The following PRKACB variants were observed in gnomAD, a reference collection of about 807,000 sequenced individuals.
PRKACB encodes protein kinase cAMP-activated catalytic subunit beta.
Under a neutral mutation model 51.4 loss-of-function variants are expected in PRKACB, and 16 were observed. That is an observed-to-expected ratio of 0.31 (90% CI 0.21 to 0.47). The LOEUF is 0.47. Among genes scored for constraint, PRKACB ranks in the 20% least tolerant of loss-of-function variants. The pLI, the probability that PRKACB is intolerant of heterozygous loss-of-function variation, is 1.00. For synonymous variants in PRKACB, 147 were observed against 154.4 expected, an observed-to-expected ratio of 0.95 and a Z score of 0.35; for missense variants, 309 against 464.5, an observed-to-expected ratio of 0.67 and a Z score of 3.08.
chr1:84,176,000 G>A (rs1423072971), intron 1 of PRKACB, among the ~76,000 whole-genome samples: 1 of 151,562 alleles, frequency 6.6e-6, no homozygotes, highest in Non-Finnish European at 1.5e-5. Flanking sequence ...ATTCTTTGAA[G>A]GATTTTTTTC....
At chr1:84,190,852 T>TC (rs1417529400) in intron 5 of PRKACB, among the ~76,000 whole-genome samples, 1 of 152,056 alleles carries the variant, frequency 6.6e-6, no homozygotes, top group Non-Finnish European at 1.5e-5. Flanking sequence ...AAGAATAGAC[T>TC]CCTATTCTTT....
At chr1:84,148,069 T>A (rs540917923) in intron 1 of PRKACB, among the ~76,000 whole-genome samples, 4 of 152,260 alleles carry the variant, frequency 2.6e-5, no homozygotes, top group African/African-American at 9.6e-5. Context: ...TGCTGGGCAT[T>A]TAATTAGAAC....
chr1:84,201,794 TA>T (rs2101404805), intron 7 of PRKACB, among the ~76,000 whole-genome samples: 1 of 152,176 alleles, frequency 6.6e-6, no homozygotes, highest in South Asian at 2.1e-4. Flanking sequence ...TTGGGGTTGT[TA>T]AAAAATCTCT....
In PRKACB at chr1:84,218,393, TGTAA is replaced by T. The variant is rs1211711427; in HGVS notation, c.1071+4082_1071+4085del. Among the ~76,000 whole-genome samples, 5 of 152,330 alleles carry T rather than the reference TGTAA, an allele frequency of 3.3e-5. No homozygotes were observed. In the East Asian group the frequency reaches 9.6e-4, roughly 29 times the overall value. On this transcript the variant is annotated intron_variant, in intron 9 of 9. Coordinates refer to ENST00000370685, the MANE Select transcript of PRKACB (RefSeq NM_182948.4). The stretch of plus-strand genomic sequence containing the variant: ...GAGATCAACTTTTTTAGGTTCCACA[TGTAA>T]GTAAGAACATGTGATATTGTCTTTC...
intron 1 of PRKACB, among the ~76,000 whole-genome samples, chr1:84,122,714 G>T (rs912242962): frequency 6.6e-6 from 1 of 152,030 alleles, no homozygotes; most frequent in African/African-American, 2.4e-5. Flanking sequence ...GAATTATATG[G>T]GGGATCTTTG....
intron 7 of PRKACB, among the ~76,000 whole-genome samples, chr1:84,199,715 G>A (rs1278343244): frequency 6.6e-6 from 1 of 152,142 alleles, no homozygotes; most frequent in Non-Finnish European, 1.5e-5. Flanking sequence ...TTAGCTCTTT[G>A]AGGAATCTCC....
At chr1:84,103,946 A>G (rs1022702533) in intron 1 of PRKACB, among the ~76,000 whole-genome samples, 2 of 152,206 alleles carry the variant, frequency 1.3e-5, no homozygotes, top group African/African-American at 4.8e-5. Context: ...TTTCCTTACC[A>G]TAAACATTTA....
chr1:84,108,023 A>G (rs1338274326), intron 1 of PRKACB, among the ~76,000 whole-genome samples: 1 of 152,138 alleles, frequency 6.6e-6, no homozygotes, highest in Non-Finnish European at 1.5e-5. Flanking sequence ...AGACACATTC[A>G]CTTGTTTATT....
Position 84,150,420 on chromosome 1 carries a change from G to A in PRKACB, c.187+5872G>A, listed in dbSNP as rs1020644065. ...TTCTGTTACAACTACCAGGGTCATG[G>A]TAAGAACATTATATGTTTGTCCCCT... On this transcript the variant is annotated intron_variant, in intron 1 of 9. Transcript: ENST00000370685. Among the ~76,000 whole-genome samples, 3 of 152,084 alleles carry A rather than the reference G, an allele frequency of 2.0e-5. No homozygotes were observed. The South Asian group carries it at 6.2e-4, about 32-fold the overall frequency.
chr1:84,190,102 ATAC>A (rs1558191007), intron 5 of PRKACB, among the ~76,000 whole-genome samples: 5 of 151,836 alleles, frequency 3.3e-5, no homozygotes, highest in Admixed American at 1.3e-4. Flanking sequence ...ACCACCTAAT[ATAC>A]TTTTCATACA....
At chr1:84,164,780 C>G in intron 1 of PRKACB, 1 of 1,378,140 alleles carries the variant, frequency 7.3e-7, no homozygotes, top group African/African-American at 1.5e-5. Flanking sequence ...ACATCTTTGG[C>G]ATTAATCTGA....
chr1:84,181,765 T>C, intron 2 of PRKACB: 1 of 1,408,306 alleles, frequency 7.1e-7, no homozygotes, highest in Non-Finnish European at 9.5e-7. Context: ...CCTCAGTTTA[T>C]CTATTCATTA....
intron 1 of PRKACB, among the ~76,000 whole-genome samples, chr1:84,090,087 A>G (rs1308020226): frequency 6.6e-6 from 1 of 152,240 alleles, no homozygotes; most frequent in East Asian, 1.9e-4. Context: ...ACTATCATCA[A>G]CCTCAAATGA....
intron 9 of PRKACB, among the ~76,000 whole-genome samples, chr1:84,224,657 A>G (rs898800174): frequency 4.6e-5 from 7 of 151,988 alleles, no homozygotes; most frequent in East Asian, 1.9e-4. Flanking sequence ...AGGCCCCTCA[A>G]TGGTGCACGT....
Position 84,171,852 on chromosome 1 carries a change from A to G in PRKACB, c.188-7325A>G, listed in dbSNP as rs1659598577. ...CCAGATATTAAAAAAATCAATATAT[A>G]AACATCGACTATGTTCTATACATCA... On this transcript the variant is annotated intron_variant, in intron 1 of 9. Coordinates refer to ENST00000370685, the MANE Select transcript of PRKACB (RefSeq NM_182948.4). Among the ~76,000 whole-genome samples the G allele has an allele frequency of 4.0e-5, 6 of 151,738 alleles. No homozygotes were observed. In the South Asian group the frequency reaches 1.2e-3, roughly 31 times the overall value.
intron 1 of PRKACB, among the ~76,000 whole-genome samples, chr1:84,078,773 C>G (rs1270188775): frequency 6.6e-6 from 1 of 151,818 alleles, no homozygotes; most frequent in Non-Finnish European, 1.5e-5. Context: ...GTTGGCTCTT[C>G]TCCCTCCATC....
At position 84,205,604 on chromosome 1, in the gene PRKACB, C is replaced by T. The variant is rs181236003; in HGVS notation, c.906+2799C>T. On this transcript the variant is annotated intron_variant, in intron 8 of 9. Coordinates refer to ENST00000370685, the MANE Select transcript of PRKACB (RefSeq NM_182948.4). ...GATTATATCCACCATTCTGAAGTCA[C>T]GTTATAAAGATTATAGGTATCAATG... is the stretch of plus-strand genomic sequence containing the variant. 9.0e-4 allele frequency among the ~76,000 whole-genome samples: 136 copies of T among 151,826 alleles called. 1 individual carries two copies. The highest frequency in any genetic ancestry group is 4.2e-4 in the South Asian group (2 of 4,786).
chr1:84,167,780 CT>C (rs1465803063), intron 1 of PRKACB, among the ~76,000 whole-genome samples: 1 of 151,412 alleles, frequency 6.6e-6, no homozygotes, highest in South Asian at 2.1e-4. Flanking sequence ...TGGGTTTTGA[CT>C]TTTTTTGGTT....
chr1:84,169,872 T>C (rs1187713760), intron 1 of PRKACB, among the ~76,000 whole-genome samples: 1 of 151,666 alleles, frequency 6.6e-6, no homozygotes, highest in Non-Finnish European at 1.5e-5. Flanking sequence ...CATTCTGATG[T>C]CTTTGCATCT....
Sources: gnomAD v4.1 joint callset for allele counts (sites outside exome capture counted in the v4.1 genomes callset) on GRCh38, gnomAD v4.1.1 for gene constraint, MANE v1.5 for transcripts, NCBI Gene and HGNC (gene_info 2026-07-23, HGNC 2026-07-21) for gene names.